The following ZBTB20 variants were observed in gnomAD, a reference collection of about 807,000 sequenced individuals.
The protein encoded by ZBTB20 is zinc finger and BTB domain-containing protein 20.
A neutral mutation model predicts 56.9 loss-of-function variants in ZBTB20; 9 were observed. The observed-to-expected ratio is 0.16, with a 90% CI of 0.10 to 0.28. ZBTB20 has a LOEUF of 0.28. Ranked by LOEUF, ZBTB20 falls within the 10% of genes least tolerant of loss-of-function variation. The pLI is 1.00. For synonymous variants in ZBTB20, 417 were observed against 420.7 expected (o/e 0.99, Z 0.11); for missense variants, 655 against 1,003.0 (o/e 0.65, Z 4.69).
chr3:114,514,043 G>A (rs1261661500), intron 6 of ZBTB20, among the ~76,000 whole-genome samples: 2 of 152,038 alleles, frequency 1.3e-5, no homozygotes, highest in East Asian at 1.9e-4. Context: ...TACCAAGAAG[G>A]ATAAACTGGG....
intron 3 of ZBTB20, among the ~76,000 whole-genome samples, chr3:114,929,934 G>A (rs552997711): frequency 6.6e-6 from 1 of 152,174 alleles, no homozygotes; most frequent in African/African-American, 2.4e-5. Context: ...TATAGTAGAA[G>A]TTTCCCTTAT....
intron 3 of ZBTB20, among the ~76,000 whole-genome samples, chr3:114,922,851 A>T (rs1381496041): frequency 6.6e-6 from 1 of 152,060 alleles, no homozygotes; most frequent in Non-Finnish European, 1.5e-5. Context: ...AGGACATCAA[A>T]CCACTTATGA....
chr3:114,598,585 T>C (rs1177482113), intron 6 of ZBTB20, among the ~76,000 whole-genome samples: 3 of 151,966 alleles, frequency 2.0e-5, no homozygotes, highest in Admixed American at 6.6e-5. Context: ...TTGGGGAAAA[T>C]AAGATGGAGA....
At chr3:115,106,383 G>A (rs1232154368) in intron 1 of ZBTB20, among the ~76,000 whole-genome samples, 16 of 151,402 alleles carry the variant, frequency 1.1e-4, no homozygotes, top group East Asian at 3.9e-4. Flanking sequence ...ACAGGTGCCC[G>A]CCACCACGCC....
At chr3:115,133,090 G>GT (rs1427617355) in intron 1 of ZBTB20, among the ~76,000 whole-genome samples, 1 of 151,850 alleles carries the variant, frequency 6.6e-6, no homozygotes, top group Non-Finnish European at 1.5e-5. Context: ...TTTTTCCATG[G>GT]CCTAGAATGA....
intron 3 of ZBTB20, among the ~76,000 whole-genome samples, chr3:114,912,788 C>A (rs2075594787): frequency 1.3e-5 from 2 of 151,988 alleles, no homozygotes; most frequent in South Asian, 4.1e-4. Flanking sequence ...CCTCTGGTAA[C>A]TGTCATTCTA....
intron 2 of ZBTB20, among the ~76,000 whole-genome samples, chr3:115,045,864 T>A (rs911321893): frequency 1.3e-5 from 2 of 152,156 alleles, no homozygotes; most frequent in African/African-American, 4.8e-5. Flanking sequence ...TCTAAGATTG[T>A]TCTCAAACTG....
Position 114,623,596 on chromosome 3 carries a change from A to C in ZBTB20, c.-295+69932T>G, listed in dbSNP as rs549136559. On this transcript the variant is annotated intron_variant, in intron 6 of 11. Coordinates refer to ENST00000675478, the MANE Select transcript of ZBTB20 (RefSeq NM_001348800.3). ...AAAGCAACCAGTTGTTAGCAAAGTG[A>C]TCTTTAGAACAGTATTAGCAAGAAT... is the stretch of plus-strand genomic sequence containing the variant. 2.0e-5 allele frequency among the ~76,000 whole-genome samples: 3 copies of C among 152,306 alleles called. No homozygotes were observed. The South Asian group carries it at 6.2e-4, about 32-fold the overall frequency.
chr3:114,626,031 T>A (rs527605413), intron 6 of ZBTB20, among the ~76,000 whole-genome samples: 11 of 152,000 alleles, frequency 7.2e-5, no homozygotes, highest in Non-Finnish European at 1.6e-4. Flanking sequence ...AAGAAAGCAA[T>A]CTCAAGTCAC....
At chr3:114,925,176 G>T (rs1291035334) in intron 3 of ZBTB20, among the ~76,000 whole-genome samples, 2 of 151,582 alleles carry the variant, frequency 1.3e-5, no homozygotes, top group Admixed American at 1.3e-4. Flanking sequence ...TAGAGATGGG[G>T]TTTCACCACG....
chr3:115,141,644 A>T (rs1190982049), intron 1 of ZBTB20, among the ~76,000 whole-genome samples: 1 of 152,304 alleles, frequency 6.6e-6, no homozygotes, highest in African/African-American at 2.4e-5. Context: ...GCCAAAAGAA[A>T]ATGACAATAC....
At chr3:114,613,247 G>C (rs1461948541) in intron 6 of ZBTB20, among the ~76,000 whole-genome samples, 1 of 152,176 alleles carries the variant, frequency 6.6e-6, no homozygotes, top group Non-Finnish European at 1.5e-5. Context: ...GTTTGGACTG[G>C]AAGACTGGGA....
chr3:114,527,433 T>C (rs1392727354), intron 6 of ZBTB20: 1 of 152,230 alleles, frequency 6.6e-6, no homozygotes, highest in African/African-American at 2.4e-5. Context: ...TTGTAGAGTA[T>C]TGTCATCACA....
intron 10 of ZBTB20, among the ~76,000 whole-genome samples, chr3:114,353,772 T>C (rs1255430080): frequency 6.6e-6 from 1 of 152,216 alleles, no homozygotes. Context: ...CTAACTGCTT[T>C]CTGTATATGA....
chr3:114,533,423 T>A (rs1034715372), intron 6 of ZBTB20, among the ~76,000 whole-genome samples: 1 of 151,742 alleles, frequency 6.6e-6, no homozygotes, highest in Non-Finnish European at 1.5e-5. Flanking sequence ...AAATAAAGCA[T>A]GAAGACAAGG....
chr3:115,031,204 A>G (rs1344865736), intron 2 of ZBTB20, among the ~76,000 whole-genome samples: 1 of 151,486 alleles, frequency 6.6e-6, no homozygotes, highest in Non-Finnish European at 1.5e-5. Context: ...GCTAGTCCAC[A>G]CAGCTTTCCC....
intron 7 of ZBTB20, among the ~76,000 whole-genome samples, chr3:114,430,621 T>C (rs1288336541): frequency 6.6e-6 from 1 of 152,222 alleles, no homozygotes; most frequent in African/African-American, 2.4e-5. Flanking sequence ...AATATTGATG[T>C]AGAAAATTCA....
chr3:114,696,771 G>T (rs552677069), intron 5 of ZBTB20, among the ~76,000 whole-genome samples: 2 of 151,992 alleles, frequency 1.3e-5, no homozygotes, highest in South Asian at 4.1e-4. Context: ...GGGGGAGGGG[G>T]TTGTGGGAAG....
intron 7 of ZBTB20, among the ~76,000 whole-genome samples, chr3:114,476,903 T>C (rs2040838441): frequency 6.6e-6 from 1 of 152,234 alleles, no homozygotes; most frequent in Non-Finnish European, 1.5e-5. Context: ...TACCCCATCA[T>C]TACCTAGTTA....
Sources: gnomAD v4.1 joint callset for allele counts (sites outside exome capture counted in the v4.1 genomes callset) on GRCh38, gnomAD v4.1.1 for gene constraint, MANE v1.5 for transcripts, NCBI Gene and HGNC (gene_info 2026-07-23, HGNC 2026-07-21) for gene names.